The following TMPRSS15 variants were observed in gnomAD, a reference collection of about 807,000 sequenced individuals.
TMPRSS15 encodes the protein transmembrane serine protease 15, also known as enteropeptidase.
A neutral mutation model predicts 125.3 loss-of-function variants in TMPRSS15; 128 were observed. The ratio of observed to expected loss-of-function variants is 1.02; its 90% CI spans 0.89 to 1.18. The LOEUF (loss-of-function observed/expected upper bound fraction) is 1.18, where lower values mean the gene tolerates loss of function less well. Among genes scored for constraint, TMPRSS15 ranks in the 50% most tolerant of loss-of-function variants. The pLI is 0.00. For missense variants in TMPRSS15, 1,283 were observed against 1,212.7 expected, an observed-to-expected ratio of 1.06 and a Z score of -0.86; for synonymous variants, 446 against 423.2, an observed-to-expected ratio of 1.05 and a Z score of -0.66.
intron 1 of TMPRSS15, among the ~76,000 whole-genome samples, chr21:18,463,546 A>G (rs1978594969): frequency 1.3e-5 from 2 of 152,108 alleles, no homozygotes; most frequent in Non-Finnish European, 2.9e-5. Flanking sequence ...AGATCGAGAC[A>G]GAAAATTAAC....
At chr21:18,276,782 G>A (rs889346068) in intron 23 of TMPRSS15, among the ~76,000 whole-genome samples, 29 of 129,930 alleles carry the variant, frequency 2.2e-4, no homozygotes, top group Non-Finnish European at 3.3e-4. Context: ...TTTTTGAGAC[G>A]AAGCCTAGCT....
chr21:18,300,200 CTT>C (rs1491183550), intron 18 of TMPRSS15, among the ~76,000 whole-genome samples: 798 of 68,876 alleles, frequency 0.012, 11 homozygotes, highest in African/African-American at 0.047. Context: ...CTTTCTTTCT[CTT>C]TCTTTCTTTT....
At chr21:18,313,136 A>C in intron 17 of TMPRSS15, 59 bp from the exon 18 acceptor site, 1 of 1,217,368 alleles carries the variant, frequency 8.2e-7, no homozygotes. Flanking sequence ...GGAGTATGGG[A>C]AGACATCGTT....
At position 18,432,898 on chromosome 21, in the gene TMPRSS15, A is replaced by AT. The variant is rs200684412; in HGVS notation, c.11-34570dup. Among the ~76,000 whole-genome samples the AT allele has an allele frequency of 2.3e-3, 345 of 152,012 alleles. 1 individual carries two copies. Among genetic ancestry groups the AT allele is most frequent in the African/African-American group, 8.0e-3 (333 of 41,470 alleles). Reference sequence around the variant, plus strand: ...TTTTATACTCATCAATCATGATGTGATTTTTTTTCTTCTCCGAAAAAGTGG... The same window carrying AT: ...TTTTATACTCATCAATCATGATGTGATTTTTTTTTCTTCTCCGAAAAAGTGG... On this transcript the variant is annotated intron_variant, in intron 1 of 7. Coordinates refer to the TMPRSS15 transcript ENST00000422787.
chr21:18,275,354 T>C lies in TMPRSS15; in HGVS notation c.2765-18A>G, dbSNP rs1183386547. The C allele has an allele frequency of 1.2e-6, 2 of 1,613,558 alleles. No homozygotes were observed. Among genetic ancestry groups the C allele is most frequent in the East Asian group, 2.2e-5 (1 of 44,866 alleles). On this transcript the variant is annotated intron_variant, in intron 23 of 24. Coordinates refer to ENST00000284885, the MANE Select transcript of TMPRSS15 (RefSeq NM_002772.3). ...AGTAGTACCTGCTCAAAATGGAGAA[T>C]GCAGCCAGCCAGTCAGAAGTGATCA...
intron 1 of TMPRSS15, among the ~76,000 whole-genome samples, chr21:18,471,347 G>C (rs891547550): frequency 1.3e-5 from 2 of 151,890 alleles, no homozygotes; most frequent in African/African-American, 4.8e-5. Flanking sequence ...TCACTCTCTT[G>C]GTTATCTTAG....
intron 1 of TMPRSS15, among the ~76,000 whole-genome samples, chr21:18,437,102 G>T (rs1392131639): frequency 7.1e-6 from 1 of 140,988 alleles, no homozygotes. Flanking sequence ...AACCAAAACA[G>T]CATGGTACTG....
chr21:18,342,440 A>T (rs1444921048), intron 12 of TMPRSS15, among the ~76,000 whole-genome samples: 1 of 152,236 alleles, frequency 6.6e-6, no homozygotes, highest in Non-Finnish European at 1.5e-5. Flanking sequence ...TGACTTGCTC[A>T]TGATTTCACA....
intron 1 of TMPRSS15, among the ~76,000 whole-genome samples, chr21:18,484,813 T>C (rs1979048874): frequency 6.6e-6 from 1 of 151,942 alleles, no homozygotes; most frequent in South Asian, 2.1e-4. Flanking sequence ...GTAAATTGTC[T>C]TAATTACTAC....
chr21:18,312,963 C>A lies in TMPRSS15; in HGVS notation c.2147G>T (p.Cys716Phe). ...TACTTACCCTAGTCCCAGCAGTTGA[C>A]AAACATCATTTGAAATCTGGGTGGT... Reference protein sequence around the residue: ...NWTTQISNDVCQLLGLGSGNS... With the variant: ...NWTTQISNDVFQLLGLGSGNS... Residue 716 changes from cysteine to phenylalanine, a missense_variant, in exon 18 of 25, where the codon TGT (cysteine) becomes TTT (phenylalanine). By Grantham distance (205) the Cys-to-Phe change is radical. Coordinates refer to ENST00000284885, the MANE Select transcript of TMPRSS15 (RefSeq NM_002772.3). The A allele has an allele frequency of 6.2e-7, 1 of 1,613,890 alleles. No homozygotes were observed. The highest frequency in any genetic ancestry group is 8.5e-7 in the Non-Finnish European group (1 of 1,179,866).
chr21:18,283,734 G>A (rs911889533), intron 21 of TMPRSS15, among the ~76,000 whole-genome samples: 3 of 152,040 alleles, frequency 2.0e-5, no homozygotes, highest in Admixed American at 1.3e-4. Flanking sequence ...GTTCAGAGAG[G>A]TGCATGCAGT....
intron 1 of TMPRSS15, among the ~76,000 whole-genome samples, chr21:18,447,398 C>T (rs554713046): frequency 1.5e-5 from 2 of 134,528 alleles, no homozygotes; most frequent in South Asian, 4.9e-4. Flanking sequence ...CCAGATCATG[C>T]CATTGCATTT....
intron 1 of TMPRSS15, among the ~76,000 whole-genome samples, chr21:18,433,481 C>G (rs1264878328): frequency 6.6e-6 from 1 of 151,314 alleles, no homozygotes; most frequent in African/African-American, 2.4e-5. Flanking sequence ...TTGCTTGAGC[C>G]CAGGAGTTTG....
chr21:18,426,794 T>C (rs886838688), intron 1 of TMPRSS15, among the ~76,000 whole-genome samples: 2 of 152,234 alleles, frequency 1.3e-5, no homozygotes, highest in African/African-American at 4.8e-5. Flanking sequence ...AAAAATGTGT[T>C]GCCAAACGGT....
At chr21:18,281,317 C>A (rs2074696091) in intron 21 of TMPRSS15, 96 bp from the exon 22 acceptor site, 2 of 1,048,946 alleles carry the variant, frequency 1.9e-6, no homozygotes, top group South Asian at 1.3e-5. Flanking sequence ...ATGTTTCTAT[C>A]CTGAAATGTT....
At chr21:18,341,356 C>T (rs1444946989) in intron 13 of TMPRSS15, 57 bp downstream of exon 13, 1 of 1,602,550 alleles carries the variant, frequency 6.2e-7, no homozygotes, top group Admixed American at 1.7e-5. Flanking sequence ...TAGCTGTGAG[C>T]CTCCACACCT....
intron 1 of TMPRSS15, among the ~76,000 whole-genome samples, chr21:18,463,245 G>GAAAAAAAAA (rs1978585963): frequency 7.1e-4 from 1 of 1,404 alleles, no homozygotes; most frequent in Non-Finnish European, 1.7e-3. Flanking sequence ...CAAATGGAAA[G>GAAAAAAAAA]CAAAAAAAAA....
At chr21:18,447,439 C>A (rs1199578940) in intron 1 of TMPRSS15, among the ~76,000 whole-genome samples, 542 of 88,008 alleles carry the variant, frequency 6.2e-3, no homozygotes, top group East Asian at 0.011. Flanking sequence ...GACTTCAACT[C>A]AAAAAAAAAA....
At chr21:18,354,243 G>C (rs1477037374) in intron 8 of TMPRSS15, among the ~76,000 whole-genome samples, 1 of 151,768 alleles carries the variant, frequency 6.6e-6, no homozygotes, top group African/African-American at 2.4e-5. Context: ...GGTATTTACT[G>C]TGTCCCACTC....
Sources: allele counts gnomAD v4.1 joint callset (sites outside exome capture counted in the v4.1 genomes callset), GRCh38; gene constraint gnomAD v4.1.1; transcripts MANE v1.5; gene names NCBI Gene and HGNC (gene_info 2026-07-23, HGNC 2026-07-21).